CLIC5: variants seen among roughly 807,000 people sequenced by gnomAD.
CLIC5 encodes CLIC family member 5, also known as chloride intracellular channel protein 5.
Under a neutral mutation model 24.7 loss-of-function variants are expected in CLIC5, and 20 were observed. The observed-to-expected ratio is 0.81, with a 90% CI of 0.57 to 1.18. The LOEUF (loss-of-function observed/expected upper bound fraction) is 1.18, where lower values mean the gene tolerates loss of function less well. Ranked by LOEUF, CLIC5 falls within the 50% of genes most tolerant of loss-of-function variation. The pLI, the probability that CLIC5 is intolerant of heterozygous loss-of-function variation, is 0.00. For missense variants in CLIC5, 341 were observed against 326.1 expected (o/e 1.05, Z -0.35); for synonymous variants, 159 against 135.6 (o/e 1.17, Z -1.20).
At chr6:46,020,686 T>G (rs1479517794), upstream of CLIC5, among the ~76,000 whole-genome samples, 2 of 151,922 alleles carry the variant, frequency 1.3e-5, no homozygotes, top group Admixed American at 1.3e-4. Context: ...TCTCACTAGA[T>G]TTACCAAAAA....
chr6:46,000,751 G>A (rs946316966), intron 1 of CLIC5, among the ~76,000 whole-genome samples: 3 of 152,096 alleles, frequency 2.0e-5, no homozygotes, highest in African/African-American at 4.8e-5. Context: ...TCACTATCAC[G>A]AGAACAGCAT....
At chr6:46,002,418 C>T (rs1766396810) in intron 1 of CLIC5, among the ~76,000 whole-genome samples, 1 of 152,120 alleles carries the variant, frequency 6.6e-6, no homozygotes, top group Non-Finnish European at 1.5e-5. Context: ...GGAACTTGGG[C>T]CAATGCCACA....
At chr6:46,029,415 A>G (rs562640692) in intron 1 of CLIC5, among the ~76,000 whole-genome samples, 1 of 152,304 alleles carries the variant, frequency 6.6e-6, no homozygotes, top group African/African-American at 2.4e-5. Context: ...CCCCATTTCA[A>G]CAAGATCAGA....
chr6:45,958,999 C>G lies in CLIC5; in HGVS notation c.64-3755G>C, dbSNP rs143682293. ...TACATACATACATACTACATACATA[C>G]ATACATGGTTACCCTGAGTTATGTA... On this transcript the variant is annotated intron_variant, in intron 1 of 5. Coordinates refer to ENST00000339561, the MANE Select transcript of CLIC5 (RefSeq NM_016929.5). 7.0e-3 allele frequency among the ~76,000 whole-genome samples: 1,063 copies of G among 152,292 alleles called. 11 individuals carry two copies. The highest frequency in any genetic ancestry group is 0.024 in the African/African-American group (1,010 of 41,552).
At chr6:45,921,709 T>C (rs539779400) in intron 4 of CLIC5, among the ~76,000 whole-genome samples, 2 of 152,222 alleles carry the variant, frequency 1.3e-5, no homozygotes, top group South Asian at 4.2e-4. Flanking sequence ...CCTGGAGAGC[T>C]TGCAGGATGA....
At chr6:46,003,884 C>T (rs78757817) in intron 1 of CLIC5, among the ~76,000 whole-genome samples, 3,461 of 152,234 alleles carry the variant, frequency 0.023, 52 homozygotes, top group Non-Finnish European at 0.036. Context: ...GTCTGGAGTC[C>T]GGATCTCCAG....
At chr6:46,007,899 T>C (rs1256783058) in intron 1 of CLIC5, among the ~76,000 whole-genome samples, 4 of 148,040 alleles carry the variant, frequency 2.7e-5, no homozygotes, top group African/African-American at 5.0e-5. Flanking sequence ...TGTTTTTTCC[T>C]GTTTTTTTTC....
chr6:46,042,599 T>A (rs1162103049), intron 1 of CLIC5, among the ~76,000 whole-genome samples: 1 of 152,212 alleles, frequency 6.6e-6, no homozygotes, highest in Non-Finnish European at 1.5e-5. Context: ...GCTGTTTTCC[T>A]GTTTGTTTTC....
chr6:45,979,005 G>A (rs982746270), intron 1 of CLIC5, among the ~76,000 whole-genome samples: 11 of 150,812 alleles, frequency 7.3e-5, no homozygotes, highest in Non-Finnish European at 1.6e-4. Flanking sequence ...CCTTCCAAAG[G>A]AGCTCAACAG....
intron 1 of CLIC5, among the ~76,000 whole-genome samples, chr6:46,034,253 T>C (rs1398539724): frequency 2.0e-5 from 3 of 152,260 alleles, no homozygotes; most frequent in African/African-American, 7.2e-5. Context: ...GCATGTGGCC[T>C]GGACACCAGG....
At chr6:46,064,555 A>T (rs1019872958) in intron 1 of CLIC5, among the ~76,000 whole-genome samples, 1 of 152,202 alleles carries the variant, frequency 6.6e-6, no homozygotes, top group African/African-American at 2.4e-5. Flanking sequence ...AACATTCTAC[A>T]TATCAACAAC....
intron 1 of CLIC5, among the ~76,000 whole-genome samples, chr6:45,993,957 A>G (rs1377775042): frequency 6.6e-6 from 1 of 152,228 alleles, no homozygotes; most frequent in Non-Finnish European, 1.5e-5. Flanking sequence ...GTTTTATTTT[A>G]AGAAAGTTCT....
chr6:45,921,557 T>C (rs1763261577), intron 4 of CLIC5, among the ~76,000 whole-genome samples: 1 of 152,070 alleles, frequency 6.6e-6, no homozygotes, highest in Non-Finnish European at 1.5e-5. Flanking sequence ...TTATTACAGC[T>C]ATAGAACTTG....
In CLIC5 at chr6:45,941,533, A is replaced by G. The variant is rs1461097362; in HGVS notation, c.406+14T>C. ...ACCACTGCCAAGGGTTCTTGGTGGA[A>G]GGGAGTCACTCACCAGCATTGTTCT... On this transcript the variant is annotated intron_variant, in intron 4 of 5. Coordinates refer to ENST00000339561, the MANE Select transcript of CLIC5 (RefSeq NM_016929.5). 2 of 1,591,572 alleles carry G rather than the reference A, an allele frequency of 1.3e-6. No homozygotes were observed. The highest frequency in any genetic ancestry group is 2.2e-5 in the South Asian group (2 of 90,606).
chr6:46,013,948 G>T (rs920617232), intron 1 of CLIC5, among the ~76,000 whole-genome samples: 1 of 152,056 alleles, frequency 6.6e-6, no homozygotes, highest in Non-Finnish European at 1.5e-5. Context: ...CCCCCTTGCT[G>T]CCCTAAGGTC....
rs930009616 is a variant in CLIC5 at position 46,015,625 on chromosome 6, G to T, written c.-83C>A. The T allele has an allele frequency of 3.6e-6, 5 of 1,404,292 alleles. No individual in the cohort carries two copies. Among genetic ancestry groups the T allele is most frequent in the Admixed American group, 6.1e-5 (2 of 33,004 alleles). The allele number at this position is 1,404,292 out of a possible 1,614,324, so 87.0% of individuals were successfully genotyped here. ...TGGGCCAGCACTCTGCGCTCCTGCC[G>T]CTGCCCAGCGGGGCTCCTCTTCAGG... is the stretch of plus-strand genomic sequence containing the variant. On this transcript the variant is annotated 5_prime_UTR_variant, in exon 1 of 6. Coordinates refer to ENST00000339561, the MANE Select transcript of CLIC5 (RefSeq NM_016929.5).
chr6:46,058,453 A>C (rs528780850), intron 1 of CLIC5, among the ~76,000 whole-genome samples: 5 of 152,340 alleles, frequency 3.3e-5, no homozygotes, highest in Admixed American at 6.5e-5. Context: ...GGCAAATTTG[A>C]GATTTGAATT....
rs1236761471 is a variant in CLIC5, at chr6:45,924,957, G to C, written c.407-10548C>G. Among the ~76,000 whole-genome samples the C allele has an allele frequency of 2.3e-4, 35 of 152,274 alleles. 1 individual carries two copies. The highest frequency in any genetic ancestry group is 2.3e-3 in the Admixed American group (35 of 15,296). On this transcript the variant is annotated intron_variant, in intron 4 of 5. Transcript: ENST00000339561. ...GCATTGTCTGGAATGCGGATGTGATGTTTGGGGGTGGAGCAACCATCCTGT... is the reference window on the plus strand; with the variant it reads ...GCATTGTCTGGAATGCGGATGTGATCTTTGGGGGTGGAGCAACCATCCTGT...
chr6:45,970,685 T>C (rs1765171903), intron 1 of CLIC5, among the ~76,000 whole-genome samples: 1 of 152,198 alleles, frequency 6.6e-6, no homozygotes, highest in South Asian at 2.1e-4. Context: ...CACAAGTTCC[T>C]TTGCATTTAC....
Sources: allele counts gnomAD v4.1 joint callset (sites outside exome capture counted in the v4.1 genomes callset), GRCh38; gene constraint gnomAD v4.1.1; transcripts MANE v1.5; gene names NCBI Gene and HGNC (gene_info 2026-07-23, HGNC 2026-07-21).